Variants in TMIGD3 observed in about 807,000 individuals in gnomAD.
The protein encoded by TMIGD3 is AD026 protein (AD026).
TMIGD3 carries 21 observed loss-of-function variants against 28.1 expected under a neutral mutation model. That is an observed-to-expected ratio of 0.75 (90% CI 0.53 to 1.08). The LOEUF is 1.08. Among genes scored for constraint, TMIGD3 ranks in the 50% least tolerant of loss-of-function variants. TMIGD3 has a pLI of 0.00. For missense variants in TMIGD3, 416 were observed against 435.6 expected (o/e 0.96, Z 0.40); for synonymous variants, 151 against 162.1 (o/e 0.93, Z 0.52).
exon 1 of TMIGD3, chr1:111,563,927 A>G (rs1327410687): frequency 1.2e-6 from 2 of 1,613,852 alleles, no homozygotes; most frequent in South Asian, 2.2e-5. Flanking sequence ...CTTCTGCTCA[A>G]TGGGTCCTGC....
At chr1:111,526,819 G>A (rs1656279891) in intron 1 of TMIGD3, among the ~76,000 whole-genome samples, 1 of 152,032 alleles carries the variant, frequency 6.6e-6, no homozygotes, top group Admixed American at 6.6e-5. Context: ...AATCATCTGT[G>A]CTCCATCTTT....
chr1:111,502,125 G>GTA (rs1655225391), intron 1 of TMIGD3, among the ~76,000 whole-genome samples: 1 of 51,666 alleles, frequency 1.9e-5, no homozygotes, highest in Non-Finnish European at 3.9e-5. Flanking sequence ...TAAATATATA[G>GTA]GATATATATT....
upstream of TMIGD3, among the ~76,000 whole-genome samples, chr1:111,506,475 G>A (rs189963301): frequency 1.3e-5 from 2 of 152,320 alleles, no homozygotes; most frequent in Admixed American, 6.5e-5. Flanking sequence ...GAGACTCTGC[G>A]GGGTTAAATA....
At chr1:111,489,375 A>G (rs1297929150) in intron 2 of TMIGD3, 5 of 274,870 alleles carry the variant, frequency 1.8e-5, no homozygotes, top group Non-Finnish European at 3.4e-5. Flanking sequence ...GGAATGGCCC[A>G]TGAGGACACA....
chr1:111,519,698 CTT>C (rs796777575), intron 1 of TMIGD3, among the ~76,000 whole-genome samples: 66 of 142,158 alleles, frequency 4.6e-4, no homozygotes, highest in African/African-American at 1.2e-3. Context: ...CTTTTCTCTT[CTT>C]TTTTTTTTTT....
At chr1:111,544,683 G>A (rs533078014) in intron 1 of TMIGD3, among the ~76,000 whole-genome samples, 4 of 152,032 alleles carry the variant, frequency 2.6e-5, no homozygotes, top group Non-Finnish European at 5.9e-5. Context: ...AAGTTTTTGC[G>A]TGAACATATG....
At chr1:111,494,414 A>G (rs375124010) in intron 1 of TMIGD3, among the ~76,000 whole-genome samples, 62 of 152,346 alleles carry the variant, frequency 4.1e-4, no homozygotes, top group African/African-American at 1.4e-3. Context: ...CCTATAAACC[A>G]AGAACAGCCA....
rs56257032 is a variant in TMIGD3 at position 111,551,766 on chromosome 1, G to GTTT, written c.107+12077_107+12079dup. ...TTTTGGTTTTGTTTTGTTTTGTTTT[G>GTTT]TTTTTTTGAGATGGAGTCTTTACAG... On this transcript the variant is annotated intron_variant, in intron 1 of 5. Coordinates refer to the TMIGD3 transcript ENST00000369717. Among the ~76,000 whole-genome samples, 937 of 149,188 alleles carry GTTT rather than the reference G, an allele frequency of 6.3e-3. 5 individuals carry two copies. The highest frequency in any genetic ancestry group is 0.021 in the Middle Eastern group (6 of 286).
chr1:111,500,451 T>C (rs1251228786), intron 1 of TMIGD3: 1 of 1,614,068 alleles, frequency 6.2e-7, no homozygotes, highest in Non-Finnish European at 8.5e-7. Context: ...CTGAGGTCAG[T>C]TTCATGTTCC....
At chr1:111,542,494 G>C (rs1037847595) in intron 1 of TMIGD3, 1 of 191,220 alleles carries the variant, frequency 5.2e-6, no homozygotes, top group African/African-American at 2.4e-5. Context: ...TGAAATTTTG[G>C]AAGAGTCAGC....
intron 1 of TMIGD3, among the ~76,000 whole-genome samples, chr1:111,550,443 C>G (rs1334879118): frequency 3.6e-4 from 54 of 151,956 alleles, no homozygotes; most frequent in Admixed American, 3.5e-3. Flanking sequence ...GATCTTTCTT[C>G]TTTTTTAATG....
In TMIGD3 at chr1:111,495,387, G is replaced by C. The variant is rs540682921; in HGVS notation, c.351-4625C>G. 2.0e-5 allele frequency among the ~76,000 whole-genome samples: 3 copies of C among 152,292 alleles called. No individual in the cohort carries two copies. In the East Asian group the frequency reaches 5.8e-4, roughly 29 times the overall value. On this transcript the variant is annotated intron_variant, in intron 1 of 5. Coordinates refer to ENST00000369716, the MANE Select transcript of TMIGD3 (RefSeq NM_020683.7). The stretch of plus-strand genomic sequence containing the variant: ...AAGCTCAATATCACTGATCATTAGA[G>C]AAATGCAAATCAAAATCAAAATGAG...
At chr1:111,499,424 T>C in intron 1 of TMIGD3, 3 of 990,876 alleles carry the variant, frequency 3.0e-6, no homozygotes, top group South Asian at 4.6e-5. Flanking sequence ...AGAGCTACAC[T>C]CCAGTTAGCT....
At chr1:111,538,784 A>G (rs1402841700) in intron 1 of TMIGD3, among the ~76,000 whole-genome samples, 1 of 152,222 alleles carries the variant, frequency 6.6e-6, no homozygotes, top group African/African-American at 2.4e-5. Flanking sequence ...GGAAAGGACT[A>G]TTACACCACA....
intron 1 of TMIGD3, among the ~76,000 whole-genome samples, chr1:111,511,019 G>A (rs899679430): frequency 3.9e-5 from 6 of 152,132 alleles, no homozygotes; most frequent in Non-Finnish European, 8.8e-5. Context: ...ATCGCACTGG[G>A]TAAACCATAA....
intron 1 of TMIGD3, among the ~76,000 whole-genome samples, chr1:111,508,863 G>A (rs923532546): frequency 6.6e-6 from 1 of 152,292 alleles, no homozygotes; most frequent in South Asian, 2.1e-4. Flanking sequence ...TTGGGAGGCC[G>A]AGGCGGGCGG....
intron 1 of TMIGD3, among the ~76,000 whole-genome samples, chr1:111,555,899 A>C (rs1391516708): frequency 6.6e-6 from 1 of 152,226 alleles, no homozygotes; most frequent in Admixed American, 6.5e-5. Flanking sequence ...CAACAAAAGA[A>C]AAAAATCGAT....
intron 1 of TMIGD3, among the ~76,000 whole-genome samples, chr1:111,547,451 A>T (rs941213326): frequency 1.3e-5 from 2 of 152,134 alleles, no homozygotes; most frequent in Non-Finnish European, 2.9e-5. Flanking sequence ...AGTGATGTAC[A>T]AGGAGACTTC....
At position 111,503,280 on chromosome 1, in the gene TMIGD3, G is replaced by T; in HGVS notation, c.75C>A (p.Cys25Ter). Residue 25 changes from cysteine (C) to a stop codon, truncating the protein, a stop_gained, in exon 1 of 6, where the codon TGC becomes TGA. Coordinates refer to ENST00000369716, the MANE Select transcript of TMIGD3 (RefSeq NM_020683.7). LOFTEE classifies it high-confidence loss of function. ...YITMEIFIGL[C>*]AIVGNVLVIC... ...TGACCAGCACGTTGCCCACTATGGC[G>T]CAGAGTCCAATGAAAATTTCCATGG... is the stretch of plus-strand genomic sequence containing the variant. The T allele has an allele frequency of 1.2e-6, 2 of 1,614,142 alleles. No individual in the cohort carries two copies. The highest frequency in any genetic ancestry group is 1.1e-5 in the South Asian group (1 of 91,058).
Sources: gnomAD v4.1 joint callset for allele counts (sites outside exome capture counted in the v4.1 genomes callset) on GRCh38, gnomAD v4.1.1 for gene constraint, MANE v1.5 for transcripts, NCBI Gene and HGNC (gene_info 2026-07-23, HGNC 2026-07-21) for gene names.